The following GOLGA4 variants were observed in gnomAD, a reference collection of about 807,000 sequenced individuals.
GOLGA4 encodes golgin A4.
Under a neutral mutation model 265.9 loss-of-function variants are expected in GOLGA4, and 169 were observed. That is an observed-to-expected ratio of 0.64 (90% CI 0.56 to 0.72). GOLGA4 has a LOEUF of 0.72. Among genes scored for constraint, GOLGA4 ranks in the 30% least tolerant of loss-of-function variants. The probability of loss-of-function intolerance (pLI) is 0.00; values close to 1 mark genes in which losing one functional copy is unlikely to be tolerated. For synonymous variants in GOLGA4, 923 were observed against 855.8 expected, an observed-to-expected ratio of 1.08 and a Z score of -1.37; for missense variants, 2,482 against 2,483.4, an observed-to-expected ratio of 1.00 and a Z score of 0.01.
At chr3:37,261,015 A>G (rs1051108844) in intron 2 of GOLGA4, among the ~76,000 whole-genome samples, 32 of 151,552 alleles carry the variant, frequency 2.1e-4, no homozygotes, top group African/African-American at 7.8e-4. Context: ...AAAAAAAAAA[A>G]AAAAATTAGC....
chr3:37,251,185 T>C (rs371172711), intron 1 of GOLGA4, among the ~76,000 whole-genome samples: 1 of 152,202 alleles, frequency 6.6e-6, no homozygotes, highest in Non-Finnish European at 1.5e-5. Flanking sequence ...ATCATAGTTC[T>C]AGTTGGTGGC....
intron 1 of GOLGA4, among the ~76,000 whole-genome samples, chr3:37,245,850 C>T: frequency 6.6e-6 from 1 of 152,100 alleles, no homozygotes; most frequent in Non-Finnish European, 1.5e-5. Context: ...AGGTGTGAGC[C>T]ACTGCGCCTG....
rs765705447 is a variant in GOLGA4 at position 37,299,296 on chromosome 3, T to G, written c.1011T>G (p.His337Gln). 3 of 1,609,728 alleles carry G rather than the reference T, an allele frequency of 1.9e-6. No homozygotes were observed. The highest frequency in any genetic ancestry group is 2.5e-6 in the Non-Finnish European group (3 of 1,176,512). Residue 337 changes from histidine (H) to glutamine (Q), a missense_variant, in exon 9 of 24, where the codon CAT becomes CAG. Coordinates refer to ENST00000361924, the MANE Select transcript of GOLGA4 (RefSeq NM_002078.5). The stretch of plus-strand genomic sequence containing the variant: ...TTAAAAATTTTTTTTAGGACCTTCA[T>G]ATGGCCGAGAAGACTAAACTTATCA... Reference protein sequence around the residue: ...LQELEKIKDLHMAEKTKLITQ... With the variant: ...LQELEKIKDLQMAEKTKLITQ...
intron 4 of GOLGA4, chr3:37,287,674 T>C (rs559120856): frequency 1.3e-5 from 2 of 152,374 alleles, no homozygotes; most frequent in South Asian, 2.1e-4. Context: ...TGCTTATAAC[T>C]ACTGCACTAC....
At chr3:37,295,305 A>G (rs2096875235) in intron 6 of GOLGA4, among the ~76,000 whole-genome samples, 1 of 152,010 alleles carries the variant, frequency 6.6e-6, no homozygotes, top group South Asian at 2.1e-4. Context: ...TGCAATCTCA[A>G]ATTCCTGGGC....
At chr3:37,286,181 C>T (rs2096848704) in intron 4 of GOLGA4, 120 bp downstream of exon 4, 1 of 488,924 alleles carries the variant, frequency 2.0e-6, no homozygotes, top group South Asian at 2.6e-5. Context: ...GAGTCTCGCT[C>T]TGTCGCCCAG....
intron 22 of GOLGA4, among the ~76,000 whole-genome samples, chr3:37,360,883 T>C (rs1282438706): frequency 6.6e-6 from 1 of 152,152 alleles, no homozygotes; most frequent in East Asian, 1.9e-4. Flanking sequence ...TAAATCAAAT[T>C]TTAATGTGTA....
intron 4 of GOLGA4, among the ~76,000 whole-genome samples, chr3:37,287,147 C>T (rs573143521): frequency 2.0e-5 from 3 of 152,264 alleles, no homozygotes; most frequent in Non-Finnish European, 1.5e-5. Context: ...TCGAGATGAG[C>T]CTGGCCAACA....
intron 10 of GOLGA4, among the ~76,000 whole-genome samples, chr3:37,308,446 C>T (rs1048626781): frequency 4.6e-5 from 7 of 151,462 alleles, no homozygotes; most frequent in Non-Finnish European, 7.4e-5. Context: ...TTTATGCCAC[C>T]GGGTGGTAGT....
intron 10 of GOLGA4, 62 bp downstream of exon 10, chr3:37,302,394 C>T: frequency 1.4e-6 from 2 of 1,406,074 alleles, no homozygotes; most frequent in Non-Finnish European, 2.0e-6. Context: ...AGTGCTTGAC[C>T]AGTATTTTTA....
At chr3:37,308,972 C>T (rs1034927505) in intron 10 of GOLGA4, among the ~76,000 whole-genome samples, 4 of 149,288 alleles carry the variant, frequency 2.7e-5, no homozygotes, top group Non-Finnish European at 5.9e-5. Context: ...AATTATAGGC[C>T]GGGTGTGGTG....
At chr3:37,244,750 G>GA in intron 1 of GOLGA4, among the ~76,000 whole-genome samples, 1 of 152,196 alleles carries the variant, frequency 6.6e-6, no homozygotes, top group East Asian at 1.9e-4. Flanking sequence ...CAGTGCTTGA[G>GA]AAAAACATCA....
At chr3:37,318,900 T>C (rs1251676946) in intron 11 of GOLGA4, among the ~76,000 whole-genome samples, 163 bp from the exon 12 acceptor site, 1 of 152,248 alleles carries the variant, frequency 6.6e-6, no homozygotes, top group African/African-American at 2.4e-5. Flanking sequence ...TATCATGGCT[T>C]TGATGACTTT....
chr3:37,281,081 C>G (rs2096833439), intron 2 of GOLGA4, among the ~76,000 whole-genome samples: 1 of 152,184 alleles, frequency 6.6e-6, no homozygotes, highest in African/African-American at 2.4e-5. Context: ...GAATGAGCTT[C>G]TAGGAGACAT....
rs775281346 is a variant in GOLGA4, at chr3:37,335,048, T to C, written c.6193-5T>C. The C allele has an allele frequency of 4.1e-5, 62 of 1,527,306 alleles. No homozygotes were observed. The highest frequency in any genetic ancestry group is 5.2e-5 in the Non-Finnish European group (58 of 1,117,058). The allele number at this position is 1,527,306 out of a possible 1,614,324, so 94.6% of individuals were successfully genotyped here. ...CCTTTTTTTCTTTTTTTTTAAATCC[T>C]AAAGGCTCGTGAAGAAGAAATGACT... On this transcript the variant is annotated splice_region_variant and splice_polypyrimidine_tract_variant and intron_variant, in intron 16 of 23. Coordinates refer to ENST00000361924, the MANE Select transcript of GOLGA4 (RefSeq NM_002078.5).
intron 2 of GOLGA4, among the ~76,000 whole-genome samples, chr3:37,265,147 G>GTGTT (rs1491420327): frequency 2.9e-4 from 44 of 151,078 alleles, no homozygotes; most frequent in African/African-American, 9.3e-4. Flanking sequence ...GTGTGTGTGT[G>GTGTT]TATAATTCTA....
At chr3:37,346,680 G>T (rs1470593012) in intron 20 of GOLGA4, among the ~76,000 whole-genome samples, 2 of 152,124 alleles carry the variant, frequency 1.3e-5, no homozygotes, top group Non-Finnish European at 2.9e-5. Context: ...TTGAATTTCT[G>T]TGTCATATAA....
chr3:37,289,389 G>A lies in GOLGA4; in HGVS notation c.582+98G>A, dbSNP rs544678631. 41 of 719,328 alleles carry A rather than the reference G, an allele frequency of 5.7e-5. No homozygotes were observed. In the African/African-American group the frequency reaches 7.1e-4, roughly 12 times the overall value. The allele number at this position is 719,328 out of a possible 1,614,324, so 44.6% of individuals were successfully genotyped here. ...GGGTAGTTTCATATGCATCTCATTA[G>A]TTATACTAATAACTAACCAGTCCAG... On this transcript the variant is annotated intron_variant, in intron 5 of 23. Transcript: ENST00000361924.
chr3:37,268,730 C>T (rs1342039660), intron 2 of GOLGA4, among the ~76,000 whole-genome samples: 2 of 152,172 alleles, frequency 1.3e-5, no homozygotes, highest in Non-Finnish European at 2.9e-5. Flanking sequence ...CACCACCATA[C>T]CTGGCTAACT....
Sources: allele counts gnomAD v4.1 joint callset (sites outside exome capture counted in the v4.1 genomes callset), GRCh38; gene constraint gnomAD v4.1.1; transcripts MANE v1.5; gene names NCBI Gene and HGNC (gene_info 2026-07-23, HGNC 2026-07-21).